ZFPM2: variants seen among roughly 807,000 people sequenced by gnomAD.
The protein encoded by ZFPM2 is zinc finger protein ZFPM2.
Under a neutral mutation model 98.6 loss-of-function variants are expected in ZFPM2, and 20 were observed. The ratio of observed to expected loss-of-function variants is 0.20; its 90% confidence interval spans 0.14 to 0.29. ZFPM2 has a LOEUF of 0.29. Ranked by LOEUF, ZFPM2 falls within the 10% of genes least tolerant of loss-of-function variation. The pLI is 1.00. For missense variants in ZFPM2, 1,310 were observed against 1,388.6 expected, an observed-to-expected ratio of 0.94 and a Z score of 0.90; for synonymous variants, 518 against 502.7, an observed-to-expected ratio of 1.03 and a Z score of -0.41.
At chr8:105,340,153 A>C (rs1812400380) in intron 1 of ZFPM2, among the ~76,000 whole-genome samples, 1 of 151,816 alleles carries the variant, frequency 6.6e-6, no homozygotes, top group South Asian at 2.1e-4. Context: ...AATGAGAAAC[A>C]CCTCTAGCCT....
intron 1 of ZFPM2, among the ~76,000 whole-genome samples, chr8:105,408,614 G>A (rs548671391): frequency 3.9e-5 from 6 of 151,944 alleles, no homozygotes; most frequent in South Asian, 2.1e-4. Flanking sequence ...TGAAATTAGC[G>A]AATTTGTATA....
At chr8:105,610,145 A>C (rs2130798021) in intron 4 of ZFPM2, among the ~76,000 whole-genome samples, 1 of 152,308 alleles carries the variant, frequency 6.6e-6, no homozygotes, top group Non-Finnish European at 1.5e-5. Flanking sequence ...CAAAAGGGTT[A>C]ATCAGATTTT....
chr8:105,330,990 ACT>A (rs1812221965), intron 1 of ZFPM2, among the ~76,000 whole-genome samples: 1 of 150,710 alleles, frequency 6.6e-6, no homozygotes, highest in Non-Finnish European at 1.5e-5. Flanking sequence ...TCTGTGAACA[ACT>A]CTCTAAAGGT....
intron 5 of ZFPM2, among the ~76,000 whole-genome samples, chr8:105,724,641 T>C (rs958556422): frequency 1.3e-5 from 2 of 151,890 alleles, no homozygotes; most frequent in African/African-American, 4.8e-5. Context: ...AAAATTATTA[T>C]AATTAACTGT....
intron 3 of ZFPM2, among the ~76,000 whole-genome samples, chr8:105,561,078 T>G (rs1815124420): frequency 6.6e-6 from 1 of 152,158 alleles, no homozygotes; most frequent in Admixed American, 6.5e-5. Context: ...TAAGGGAGTG[T>G]TACTGTTTCT....
intron 3 of ZFPM2, among the ~76,000 whole-genome samples, chr8:105,518,156 G>T (rs1406304248): frequency 6.6e-6 from 1 of 152,086 alleles, no homozygotes; most frequent in Non-Finnish European, 1.5e-5. Context: ...AAAAATAAAT[G>T]CCATCTTTGA....
chr8:105,342,311 T>G (rs1035751986), intron 1 of ZFPM2, among the ~76,000 whole-genome samples: 3 of 151,930 alleles, frequency 2.0e-5, no homozygotes, highest in African/African-American at 7.2e-5. Context: ...CCACAAGGAT[T>G]AAGAGGTGAA....
chr8:105,442,522 A>G (rs1586375709), intron 2 of ZFPM2, among the ~76,000 whole-genome samples: 1 of 152,202 alleles, frequency 6.6e-6, no homozygotes, highest in Non-Finnish European at 1.5e-5. Flanking sequence ...TCAATATTTT[A>G]TGGAGGGAAT....
chr8:105,430,434 A>G (rs1811997341), intron 2 of ZFPM2, among the ~76,000 whole-genome samples: 1 of 152,184 alleles, frequency 6.6e-6, no homozygotes, highest in African/African-American at 2.4e-5. Flanking sequence ...TTTATATTAG[A>G]TACCTGAATT....
intron 4 of ZFPM2, among the ~76,000 whole-genome samples, chr8:105,612,383 A>T (rs879400208): frequency 6.6e-6 from 1 of 152,162 alleles, no homozygotes; most frequent in Non-Finnish European, 1.5e-5. Context: ...AATTGAAAAA[A>T]AAAATGCCCA....
At chr8:105,549,969 T>G (rs919013303) in intron 3 of ZFPM2, among the ~76,000 whole-genome samples, 2 of 152,118 alleles carry the variant, frequency 1.3e-5, no homozygotes, top group African/African-American at 4.8e-5. Flanking sequence ...GTGCTTATTC[T>G]TCAGAGAAAA....
chr8:105,800,929 A>C, intron 7 of ZFPM2, 118 bp from the exon 8 acceptor site: 1 of 969,946 alleles, frequency 1.0e-6, no homozygotes, highest in African/African-American at 1.6e-5. Context: ...TCACGAATGA[A>C]ATTTTGAAAG....
At chr8:105,752,126 A>C (rs1210211371) in intron 5 of ZFPM2, among the ~76,000 whole-genome samples, 3 of 152,078 alleles carry the variant, frequency 2.0e-5, no homozygotes, top group African/African-American at 7.2e-5. Context: ...TTGAATCATA[A>C]AAAAATGCAT....
intron 5 of ZFPM2, among the ~76,000 whole-genome samples, chr8:105,696,029 C>T (rs1811009331): frequency 6.6e-6 from 1 of 152,168 alleles, no homozygotes; most frequent in South Asian, 2.1e-4. Flanking sequence ...AACTATGAAT[C>T]TTGTCAGTAA....
intron 5 of ZFPM2, among the ~76,000 whole-genome samples, chr8:105,705,155 TA>T (rs1811226875): frequency 6.6e-6 from 1 of 151,750 alleles, no homozygotes. Flanking sequence ...TGAATTGATA[TA>T]TATATATATA....
chr8:105,774,355 A>G (rs1172674038), intron 5 of ZFPM2, among the ~76,000 whole-genome samples: 1 of 152,202 alleles, frequency 6.6e-6, no homozygotes, highest in Admixed American at 6.5e-5. Context: ...TTATAATTAA[A>G]AAGCTTGACA....
At chr8:105,794,126 A>G (rs1813714441) in intron 6 of ZFPM2, among the ~76,000 whole-genome samples, 1 of 152,080 alleles carries the variant, frequency 6.6e-6, no homozygotes, top group South Asian at 2.1e-4. Flanking sequence ...AGGAACTGTG[A>G]TCCTTTGGAG....
chr8:105,758,820 G>T (rs1250743745), intron 5 of ZFPM2, among the ~76,000 whole-genome samples: 1 of 152,086 alleles, frequency 6.6e-6, no homozygotes, highest in Admixed American at 6.6e-5. Flanking sequence ...TAGTTGGCAT[G>T]TTATGATATG....
At chr8:105,440,231 T>G (rs1212202369) in intron 2 of ZFPM2, among the ~76,000 whole-genome samples, 1 of 152,206 alleles carries the variant, frequency 6.6e-6, no homozygotes, top group Non-Finnish European at 1.5e-5. Flanking sequence ...TTTAATAGTA[T>G]TATCTGTATT....
Sources: gnomAD v4.1 joint callset for allele counts (sites outside exome capture counted in the v4.1 genomes callset) on GRCh38, gnomAD v4.1.1 for gene constraint, MANE v1.5 for transcripts, NCBI Gene and HGNC (gene_info 2026-07-23, HGNC 2026-07-21) for gene names.